Variants in NEBL observed in about 807,000 individuals in gnomAD.
The protein encoded by NEBL is LIM and SH3 protein 2.
A neutral mutation model predicts 140.2 loss-of-function variants in NEBL; 122 were observed. That is an observed-to-expected ratio of 0.87 (90% confidence interval 0.75 to 1.01). NEBL has a LOEUF of 1.01. NEBL is among the 50% of genes least tolerant of loss of function. NEBL has a pLI of 0.00. For missense variants in NEBL, 1,365 were observed against 1,231.3 expected (o/e 1.11, Z -1.62); for synonymous variants, 436 against 398.9 (o/e 1.09, Z -1.11).
chr10:21,275,805 T>TA (rs538278928), intron 1 of NEBL, among the ~76,000 whole-genome samples: 2,479 of 137,500 alleles, frequency 0.018, 66 homozygotes, highest in African/African-American at 0.067. Context: ...CACACCCAGC[T>TA]AATTTTTTTT....
intron 2 of NEBL, among the ~76,000 whole-genome samples, chr10:21,025,464 A>G (rs1396848987): frequency 1.3e-5 from 2 of 152,256 alleles, no homozygotes; most frequent in Non-Finnish European, 2.9e-5. Flanking sequence ...AAGTTAGGTC[A>G]CAGAAAGATG....
intron 4 of NEBL, among the ~76,000 whole-genome samples, chr10:20,941,447 G>C (rs1406213722): frequency 6.6e-6 from 1 of 152,068 alleles, no homozygotes; most frequent in East Asian, 1.9e-4. Context: ...AATAATAAGA[G>C]CTATCTATGA....
intron 2 of NEBL, among the ~76,000 whole-genome samples, chr10:21,065,886 A>C (rs1835514300): frequency 6.6e-6 from 1 of 152,206 alleles, no homozygotes; most frequent in African/African-American, 2.4e-5. Context: ...AGGGAGGGTG[A>C]TGGGTTTCAA....
At chr10:20,845,190 G>T in intron 12 of NEBL, 68 bp downstream of exon 12, 1 of 1,000,708 alleles carries the variant, frequency 1.0e-6, no homozygotes, top group Non-Finnish European at 1.6e-6. Context: ...AGAGAATTAG[G>T]TAAACATTTC....
At chr10:20,905,248 T>C (rs1420610244) in intron 4 of NEBL, among the ~76,000 whole-genome samples, 1 of 152,332 alleles carries the variant, frequency 6.6e-6, no homozygotes, top group Admixed American at 6.5e-5. Flanking sequence ...TATAAGCCCA[T>C]AGCAAGAAGA....
At chr10:21,039,191 T>C (rs769470373) in intron 2 of NEBL, among the ~76,000 whole-genome samples, 2 of 151,996 alleles carry the variant, frequency 1.3e-5, no homozygotes, top group Non-Finnish European at 2.9e-5. Context: ...TTCACTCTGA[T>C]GATAGTTTCT....
chr10:20,912,214 G>T (rs1037736978), intron 4 of NEBL, among the ~76,000 whole-genome samples: 3 of 152,164 alleles, frequency 2.0e-5, no homozygotes, highest in Non-Finnish European at 4.4e-5. Context: ...AGTTTCCGTT[G>T]TATTACCATG....
intron 4 of NEBL, among the ~76,000 whole-genome samples, chr10:20,953,045 A>T (rs1158349760): frequency 2.0e-5 from 3 of 152,132 alleles, no homozygotes; most frequent in Non-Finnish European, 2.9e-5. Context: ...AGTGTATGTC[A>T]CTTAAATACC....
chr10:20,836,276 G>A (rs185704859), intron 13 of NEBL, among the ~76,000 whole-genome samples: 64 of 152,232 alleles, frequency 4.2e-4, no homozygotes, highest in African/African-American at 1.3e-3. Flanking sequence ...AGGCTGGAGT[G>A]CAGTGGCGTG....
At chr10:20,897,623 T>C (rs772395998), upstream of NEBL, 20 of 816,354 alleles carry the variant, frequency 2.4e-5, no homozygotes, top group Non-Finnish European at 3.0e-5. Flanking sequence ...CCAAAGCCTG[T>C]TATCTCAAAG....
rs1317887456 is a variant in NEBL, at chr10:20,850,432, T to A, written c.1079A>T (p.Tyr360Phe). Residue 360 changes from tyrosine (Y) to phenylalanine (F), a missense_variant, in exon 11 of 28, where the codon TAT becomes TTT. By Grantham distance (22) the Tyr-to-Phe change is conservative (BLOSUM62 3). Coordinates refer to ENST00000377122, the MANE Select transcript of NEBL (RefSeq NM_006393.3). ...CTTTTGAGCCTCCTTTGAAGCTTGA[T>A]ATGATGGTGTCTCAACAAATTCAAG... ...PMLEFVETPS[Y>F]QASKEAQKMQ... 6.2e-7 allele frequency: 1 copy of A among 1,611,814 alleles called. No homozygotes were observed. Among genetic ancestry groups the A allele is most frequent in the African/African-American group, 1.3e-5 (1 of 74,894 alleles).
intron 11 of NEBL, chr10:20,845,615 T>C (rs1467387783): frequency 1.2e-5 from 5 of 413,620 alleles, no homozygotes; most frequent in Non-Finnish European, 1.8e-5. Flanking sequence ...CCTAACATCT[T>C]ACTAGCCTAG....
intron 26 of NEBL, among the ~76,000 whole-genome samples, chr10:20,798,650 C>A (rs1293463130): frequency 6.6e-6 from 1 of 152,194 alleles, no homozygotes; most frequent in Admixed American, 6.5e-5. Context: ...AAAGCTTTCT[C>A]ATTTGACACA....
chr10:21,183,486 G>C (rs1841416811), intron 3 of NEBL, among the ~76,000 whole-genome samples: 1 of 152,192 alleles, frequency 6.6e-6, no homozygotes, highest in South Asian at 2.1e-4. Flanking sequence ...TGAATTCAGG[G>C]AGGCTGCAGG....
In NEBL at chr10:20,896,973, C is replaced by T. The variant is rs752942716; in HGVS notation, c.138G>A (p.Thr46=). ...AGCCACTTACATCGCTAATGAGTTC[C>T]GTGCATTTTCTGGCCAATTCCATGC... ...DLSMELARKC[T]ELISDIRYKE... Residue 46 remains threonine (T), a synonymous_variant, in exon 2 of 28, where the codon ACG becomes ACA. Transcript: ENST00000377122. 23 of 1,613,648 alleles carry T rather than the reference C, an allele frequency of 1.4e-5. No homozygotes were observed. Among genetic ancestry groups the T allele is most frequent in the Admixed American group, 5.0e-5 (3 of 59,990 alleles).
Position 21,209,669 on chromosome 10 carries a change from T to C in NEBL, n.349-37192A>G, listed in dbSNP as rs563515007. Among the ~76,000 whole-genome samples, 925 of 146,838 alleles carry C rather than the reference T, an allele frequency of 6.3e-3. 5 individuals carry two copies. Among genetic ancestry groups the C allele is most frequent in the African/African-American group, 0.024 (899 of 37,826 alleles). ...TGACCTTTTTTTTTTTTCTTTTTTT[T>C]TTTTTTCTTTTTTTTACCACAGTTG... On this transcript the variant is annotated intron_variant and non_coding_transcript_variant, in intron 3 of 8. Transcript: ENST00000675702.
chr10:20,943,904 C>A (rs1835026357), intron 4 of NEBL, among the ~76,000 whole-genome samples: 1 of 152,174 alleles, frequency 6.6e-6, no homozygotes, highest in South Asian at 2.1e-4. Context: ...GGACCCAGGG[C>A]CATCTCTTGG....
chr10:21,190,405 G>A (rs912094803), intron 3 of NEBL, among the ~76,000 whole-genome samples: 3 of 152,146 alleles, frequency 2.0e-5, no homozygotes, highest in African/African-American at 7.2e-5. Context: ...AATTGCTTGA[G>A]CCTGGGAGGT....
chr10:20,942,442 G>A (rs868236813), intron 4 of NEBL, among the ~76,000 whole-genome samples: 4 of 152,148 alleles, frequency 2.6e-5, no homozygotes, highest in African/African-American at 9.7e-5. Flanking sequence ...ATTAATTCAA[G>A]ATGGATTAAA....
Sources: allele counts gnomAD v4.1 joint callset (sites outside exome capture counted in the v4.1 genomes callset), GRCh38; gene constraint gnomAD v4.1.1; transcripts MANE v1.5; gene names NCBI Gene and HGNC (gene_info 2026-07-23, HGNC 2026-07-21).